Variants in TNS3 observed in about 807,000 individuals in gnomAD.
TNS3 encodes tensin 3, also known as tensin-3.
A neutral mutation model predicts 140.9 loss-of-function variants in TNS3; 45 were observed. That is an observed-to-expected ratio of 0.32 (90% confidence interval 0.25 to 0.41). The LOEUF is 0.41. Among genes scored for constraint, TNS3 ranks in the 10% least tolerant of loss-of-function variants. The probability of loss-of-function intolerance (pLI) is 1.00; values close to 1 mark genes in which losing one functional copy is unlikely to be tolerated. For synonymous variants in TNS3, 815 were observed against 788.4 expected (o/e 1.03, Z -0.56); for missense variants, 1,716 against 1,906.7 (o/e 0.90, Z 1.86).
intron 20 of TNS3, among the ~76,000 whole-genome samples, chr7:47,318,865 A>G (rs932496826): frequency 4.6e-5 from 7 of 152,222 alleles, no homozygotes; most frequent in Non-Finnish European, 5.9e-5. Flanking sequence ...GCTTGGTTCC[A>G]AGTCTTTAGT....
At chr7:47,293,890 T>C (rs945112663) in intron 24 of TNS3, 62 bp from the exon 25 acceptor site, 9 of 1,480,562 alleles carry the variant, frequency 6.1e-6, no homozygotes, top group African/African-American at 4.2e-5. Context: ...GAGAATTCAA[T>C]AGAGAGAACA....
rs200592767 is a variant in TNS3 at position 47,396,912 on chromosome 7, G to C, written c.920-8C>G. 32 of 1,608,070 alleles carry C rather than the reference G, an allele frequency of 2.0e-5. No homozygotes were observed. The East Asian group carries it at 7.1e-4, about 36-fold the overall frequency. On this transcript the variant is annotated splice_region_variant and splice_polypyrimidine_tract_variant and intron_variant, in intron 15 of 30. Coordinates refer to ENST00000311160, the MANE Select transcript of TNS3 (RefSeq NM_022748.12). ...TGTACAAGTGTTCGGACCCTGCACAGAGCACAGGCAGCAACATTAGTCCCA... is the reference window on the plus strand; with the variant it reads ...TGTACAAGTGTTCGGACCCTGCACACAGCACAGGCAGCAACATTAGTCCCA...
intron 20 of TNS3, among the ~76,000 whole-genome samples, chr7:47,331,754 C>T (rs1468170064): frequency 6.6e-6 from 1 of 152,186 alleles, no homozygotes; most frequent in African/African-American, 2.4e-5. Context: ...GTGGCAAATG[C>T]CTCAATCTAG....
At chr7:47,329,315 C>A (rs934425098) in intron 20 of TNS3, among the ~76,000 whole-genome samples, 3 of 152,214 alleles carry the variant, frequency 2.0e-5, no homozygotes, top group Admixed American at 2.0e-4. Context: ...AGAAAGCTCT[C>A]CCTGGAAGAG....
intron 10 of TNS3, among the ~76,000 whole-genome samples, chr7:47,416,000 C>A (rs1349401933): frequency 6.6e-6 from 1 of 152,260 alleles, no homozygotes; most frequent in Non-Finnish European, 1.5e-5. Flanking sequence ...GCTTCCCTGG[C>A]CTGTCCTGCC....
rs1562674983 is a variant in TNS3, at chr7:47,389,065, AGAAGAAGAAGAAGAAGAAGAGGAAGAG to A, written c.1024+7708_1024+7734del. 8.9e-5 allele frequency among the ~76,000 whole-genome samples: 4 copies of A among 44,860 alleles called. No homozygotes were observed. In the East Asian group the frequency reaches 2.8e-3, roughly 32 times the overall value. 29.4% of individuals were successfully genotyped at this position (44,860 alleles called of 152,430 possible). The stretch of plus-strand genomic sequence containing the variant: ...AAGAAGAAGAAGAAGAAGAAGAAGA[AGAAGAAGAAGAAGAAGAAGAGGAAGAG>A]GAAGAGGAAGCGGAAGCAGAAGAAG... On this transcript the variant is annotated intron_variant, in intron 16 of 30. Coordinates refer to ENST00000311160, the MANE Select transcript of TNS3 (RefSeq NM_022748.12).
At chr7:47,564,181 GAGA>G (rs1800375613) in intron 1 of TNS3, among the ~76,000 whole-genome samples, 1 of 120,088 alleles carries the variant, frequency 8.3e-6, no homozygotes, top group African/African-American at 3.3e-5. Flanking sequence ...GTGACAGAGC[GAGA>G]CTCTGTCTCA....
At chr7:47,309,603 A>G (rs561526310) in intron 20 of TNS3, among the ~76,000 whole-genome samples, 8 of 152,252 alleles carry the variant, frequency 5.3e-5, no homozygotes, top group Non-Finnish European at 8.8e-5. Flanking sequence ...AATAATTTAC[A>G]CAAATGTTCA....
intron 3 of TNS3, among the ~76,000 whole-genome samples, chr7:47,494,198 G>A (rs1001502540): frequency 1.3e-5 from 2 of 152,106 alleles, no homozygotes; most frequent in East Asian, 1.9e-4. Context: ...CTCACAAGCC[G>A]TGCCTCTGAC....
chr7:47,463,825 T>C (rs148180536), intron 4 of TNS3, among the ~76,000 whole-genome samples: 3 of 152,284 alleles, frequency 2.0e-5, no homozygotes, highest in East Asian at 1.9e-4. Context: ...GATTTTGGTG[T>C]TACAAATAAA....
intron 1 of TNS3, among the ~76,000 whole-genome samples, chr7:47,534,269 C>T (rs1046067374): frequency 6.6e-6 from 1 of 151,544 alleles, no homozygotes; most frequent in South Asian, 2.1e-4. Context: ...AGTGAGACTC[C>T]ATCTCAAAAA....
intron 10 of TNS3, among the ~76,000 whole-genome samples, chr7:47,417,949 A>G (rs978544005): frequency 3.3e-5 from 5 of 152,210 alleles, no homozygotes; most frequent in Middle Eastern, 3.2e-3. Context: ...GTGACTTCTT[A>G]GAGAACCACC....
chr7:47,530,838 A>AAAAAATATATATAT, intron 1 of TNS3, among the ~76,000 whole-genome samples: 44 of 54,548 alleles, frequency 8.1e-4, no homozygotes, highest in South Asian at 8.9e-4. Flanking sequence ...AAAAAAAAAA[A>AAAAAATATATATAT]ATATATATAT....
At chr7:47,431,505 A>T (rs569229098) in intron 8 of TNS3, among the ~76,000 whole-genome samples, 19 of 152,186 alleles carry the variant, frequency 1.2e-4, no homozygotes, top group Non-Finnish European at 2.5e-4. Context: ...AGGCAGGAGA[A>T]TCACTTGAAC....
chr7:47,339,965 A>ATG (rs1788861012), intron 20 of TNS3, among the ~76,000 whole-genome samples: 1 of 143,834 alleles, frequency 7.0e-6, no homozygotes, highest in Non-Finnish European at 1.5e-5. Context: ...GCATATATAT[A>ATG]TATATATATA....
chr7:47,382,043 T>G (rs1195177750), intron 16 of TNS3, among the ~76,000 whole-genome samples: 1 of 152,208 alleles, frequency 6.6e-6, no homozygotes, highest in Non-Finnish European at 1.5e-5. Flanking sequence ...TGTCTAGATA[T>G]GGCTAGGGGG....
chr7:47,551,691 A>G (rs1284551001), intron 1 of TNS3, among the ~76,000 whole-genome samples: 1 of 152,246 alleles, frequency 6.6e-6, no homozygotes, highest in Non-Finnish European at 1.5e-5. Flanking sequence ...GTGTCCACAG[A>G]CAGGAGAGAA....
chr7:47,308,537 A>G (rs1458975159), intron 20 of TNS3, among the ~76,000 whole-genome samples: 1 of 152,122 alleles, frequency 6.6e-6, no homozygotes, highest in Non-Finnish European at 1.5e-5. Context: ...AGACACTGTG[A>G]TTTTATGTTT....
At chr7:47,468,831 C>T (rs1796828339) in intron 4 of TNS3, among the ~76,000 whole-genome samples, 1 of 152,210 alleles carries the variant, frequency 6.6e-6, no homozygotes, top group Admixed American at 6.5e-5. Context: ...CATTATTCAA[C>T]TTCAAACTAT....
Sources: gnomAD v4.1 joint callset for allele counts (sites outside exome capture counted in the v4.1 genomes callset) on GRCh38, gnomAD v4.1.1 for gene constraint, MANE v1.5 for transcripts, NCBI Gene and HGNC (gene_info 2026-07-23, HGNC 2026-07-21) for gene names.